Variants in DOCK3 observed in about 807,000 individuals in gnomAD.
The protein encoded by DOCK3 is dedicator of cytokinesis 3.
A neutral mutation model predicts 265.6 loss-of-function variants in DOCK3; 60 were observed. The ratio of observed to expected loss-of-function variants is 0.23; its 90% CI spans 0.18 to 0.28. DOCK3 has a LOEUF of 0.28. Ranked by LOEUF, DOCK3 falls within the 10% of genes least tolerant of loss-of-function variation. DOCK3 has a pLI of 1.00. For synonymous variants in DOCK3, 881 were observed against 938.0 expected, an observed-to-expected ratio of 0.94 and a Z score of 1.11; for missense variants, 1,981 against 2,594.3, an observed-to-expected ratio of 0.76 and a Z score of 5.14.
intron 12 of DOCK3, among the ~76,000 whole-genome samples, chr3:51,180,352 T>C (rs1359114503): frequency 6.6e-6 from 1 of 152,170 alleles, no homozygotes. Context: ...TATCACAAAT[T>C]TGGTGGCTTA....
chr3:51,235,829 A>G (rs1452420439), intron 19 of DOCK3, among the ~76,000 whole-genome samples: 1 of 152,172 alleles, frequency 6.6e-6, no homozygotes, highest in Non-Finnish European at 1.5e-5. Context: ...TGCATTCTCC[A>G]TTCTTCTGTA....
chr3:51,102,969 G>A (rs1342899052), intron 9 of DOCK3, among the ~76,000 whole-genome samples: 2 of 152,090 alleles, frequency 1.3e-5, no homozygotes, highest in African/African-American at 4.8e-5. Flanking sequence ...AATAGATTCT[G>A]CCAGTTGTTT....
At chr3:51,220,279 AT>A (rs769669451) in intron 14 of DOCK3, among the ~76,000 whole-genome samples, 3 of 152,172 alleles carry the variant, frequency 2.0e-5, no homozygotes, top group Non-Finnish European at 2.9e-5. Context: ...CTCATCTTAC[AT>A]GATCTTAAGG....
At chr3:51,176,343 G>C (rs1015589395) in intron 12 of DOCK3, among the ~76,000 whole-genome samples, 1 of 152,140 alleles carries the variant, frequency 6.6e-6, no homozygotes, top group African/African-American at 2.4e-5. Context: ...CTGGCCAGGC[G>C]TGGTGGCTCA....
chr3:51,115,238 T>C (rs1354109360), intron 9 of DOCK3, among the ~76,000 whole-genome samples: 2 of 152,198 alleles, frequency 1.3e-5, no homozygotes, highest in Non-Finnish European at 2.9e-5. Context: ...TCCCAATGGT[T>C]GAACTACTTT....
chr3:50,778,535 A>G (rs182187809), intron 1 of DOCK3, 140 bp from the exon 2 acceptor site: 1 of 561,064 alleles, frequency 1.8e-6, no homozygotes, highest in East Asian at 2.9e-5. Flanking sequence ...TTAAATGGAA[A>G]GGGGCTTACA....
intron 2 of DOCK3, among the ~76,000 whole-genome samples, chr3:50,809,033 A>C (rs2043586036): frequency 6.6e-6 from 1 of 152,208 alleles, no homozygotes; most frequent in South Asian, 2.1e-4. Flanking sequence ...ACTATTCTTG[A>C]CATTGGTGTA....
At chr3:50,991,317 G>A (rs1431100034) in intron 5 of DOCK3, among the ~76,000 whole-genome samples, 1 of 152,126 alleles carries the variant, frequency 6.6e-6, no homozygotes, top group African/African-American at 2.4e-5. Flanking sequence ...GGATAAAAAA[G>A]CAAGACCCAA....
At chr3:51,006,672 G>A (rs1347071584) in intron 5 of DOCK3, among the ~76,000 whole-genome samples, 2 of 151,922 alleles carry the variant, frequency 1.3e-5, no homozygotes, top group Non-Finnish European at 2.9e-5. Context: ...CATGCACGAC[G>A]TGCAGGTTTG....
At chr3:51,153,486 C>T (rs1335879759) in intron 10 of DOCK3, among the ~76,000 whole-genome samples, 1 of 152,216 alleles carries the variant, frequency 6.6e-6, no homozygotes, top group Non-Finnish European at 1.5e-5. Context: ...CCCCACACTG[C>T]TTCGGCTTGC....
chr3:51,228,898 C>T (rs992459364), intron 18 of DOCK3, 66 bp downstream of exon 18: 8 of 1,521,226 alleles, frequency 5.3e-6, no homozygotes, highest in African/African-American at 1.4e-5. Context: ...ACACTACTAG[C>T]GCATGTGAAG....
At chr3:51,069,842 G>A (rs1374953871) in intron 6 of DOCK3, among the ~76,000 whole-genome samples, 1 of 152,262 alleles carries the variant, frequency 6.6e-6, no homozygotes, top group Non-Finnish European at 1.5e-5. Context: ...TTTTTAGCCA[G>A]GATCTAGAAA....
chr3:51,315,048 C>T lies in DOCK3; in HGVS notation c.3322C>T (p.Pro1108Ser). 6.2e-7 allele frequency: 1 copy of T among 1,612,684 alleles called. No homozygotes were observed. The highest frequency in any genetic ancestry group is 8.5e-7 in the Non-Finnish European group (1 of 1,179,192). ...TCTGGGTGTGACACTGGTCCCACAG[C>T]CAGAAGTACGGAATATCATGATTCC... is the stretch of plus-strand genomic sequence containing the variant. ...PFLGVTLVPQ[P>S]EVRNIMIPIF... The change falls in exon 32 of 53, where the codon CCA becomes TCA. Residue 1108 changes from proline (P) to serine (S), a missense_variant. Coordinates refer to ENST00000266037, the MANE Select transcript of DOCK3 (RefSeq NM_004947.5).
intron 1 of DOCK3, among the ~76,000 whole-genome samples, chr3:50,750,792 A>T (rs1314819716): frequency 6.6e-6 from 1 of 152,156 alleles, no homozygotes; most frequent in Non-Finnish European, 1.5e-5. Flanking sequence ...TTGCTCCCAG[A>T]GTGTGTTACT....
At chr3:50,833,779 C>T (rs1349769372) in intron 2 of DOCK3, among the ~76,000 whole-genome samples, 3 of 152,192 alleles carry the variant, frequency 2.0e-5, no homozygotes, top group African/African-American at 4.8e-5. Flanking sequence ...ACCAATTTCT[C>T]CAATTGTGTC....
chr3:50,702,003 T>C (rs1042137977), intron 1 of DOCK3, among the ~76,000 whole-genome samples: 4 of 152,256 alleles, frequency 2.6e-5, no homozygotes, highest in Admixed American at 1.3e-4. Context: ...GATATTGTGA[T>C]GCCTCTAGCT....
intron 1 of DOCK3, chr3:50,685,840 T>TG: frequency 1.2e-5 from 2 of 163,002 alleles, no homozygotes. Context: ...CAGGGAGCTT[T>TG]GGGGGGCAGT....
At chr3:51,353,840 T>C (rs2086177071) in intron 40 of DOCK3, among the ~76,000 whole-genome samples, 1 of 151,994 alleles carries the variant, frequency 6.6e-6, no homozygotes, top group African/African-American at 2.4e-5. Context: ...CAGTGCCTGA[T>C]ACCATTTTGT....
At chr3:51,264,169 C>A (rs184752246) in intron 23 of DOCK3, among the ~76,000 whole-genome samples, 1 of 152,312 alleles carries the variant, frequency 6.6e-6, no homozygotes, top group African/African-American at 2.4e-5. Flanking sequence ...GGAAGTAAAA[C>A]ACTCTTCGGC....
Sources: gnomAD v4.1 joint callset for allele counts (sites outside exome capture counted in the v4.1 genomes callset) on GRCh38, gnomAD v4.1.1 for gene constraint, MANE v1.5 for transcripts, NCBI Gene and HGNC (gene_info 2026-07-23, HGNC 2026-07-21) for gene names.